ELP4: variants seen among roughly 807,000 people sequenced by gnomAD.
The protein encoded by ELP4 is elongator complex protein 4.
Under a neutral mutation model 48.9 loss-of-function variants are expected in ELP4, and 51 were observed. The observed-to-expected ratio is 1.04, with a 90% CI of 0.83 to 1.32. The LOEUF is 1.32. ELP4 is among the 40% of genes most tolerant of loss of function. The pLI is 0.00. For synonymous variants in ELP4, 210 were observed against 189.2 expected (o/e 1.11, Z -0.90); for missense variants, 519 against 514.6 (o/e 1.01, Z -0.08).
chr11:31,518,977 TA>T (rs1318966812), intron 1 of ELP4, among the ~76,000 whole-genome samples: 3 of 151,842 alleles, frequency 2.0e-5, no homozygotes, highest in African/African-American at 7.3e-5. Flanking sequence ...ACATGCAGAT[TA>T]TTTTTTTTGT....
intron 2 of ELP4, among the ~76,000 whole-genome samples, chr11:31,537,494 G>T (rs552688461): frequency 6.6e-6 from 1 of 152,230 alleles, no homozygotes; most frequent in Non-Finnish European, 1.5e-5. Context: ...TTCTCGCACT[G>T]CTCTAAAGAA....
intron 2 of ELP4, among the ~76,000 whole-genome samples, chr11:31,534,297 G>C (rs1335647523): frequency 3.3e-5 from 5 of 150,150 alleles, no homozygotes; most frequent in African/African-American, 1.2e-4. Context: ...GTGTGTATGA[G>C]AGCGAGAGAG....
At chr11:31,777,436 G>T (rs1456857776) in intron 9 of ELP4, among the ~76,000 whole-genome samples, 1 of 152,118 alleles carries the variant, frequency 6.6e-6, no homozygotes, top group East Asian at 1.9e-4. Context: ...CCATGAATGG[G>T]GCCCCCGCAG....
At position 31,676,864 on chromosome 11, in the gene ELP4, C is replaced by G. The variant is rs1408961664; in HGVS notation, c.1143+26643C>G. On this transcript the variant is annotated intron_variant, in intron 9 of 9. Transcript: ENST00000640961. ...CCTCTTTGTAGCTTTTGGGTTATGGCCAAGTTTAGCAAGTTTCATTCAATT... is the reference window on the plus strand; with the variant it reads ...CCTCTTTGTAGCTTTTGGGTTATGGGCAAGTTTAGCAAGTTTCATTCAATT... 2.0e-5 allele frequency among the ~76,000 whole-genome samples: 3 copies of G among 152,008 alleles called. No homozygotes were observed. The East Asian group carries it at 5.8e-4, about 29-fold the overall frequency.
intron 9 of ELP4, among the ~76,000 whole-genome samples, chr11:31,697,511 G>A (rs1289033344): frequency 1.3e-5 from 2 of 151,792 alleles, no homozygotes; most frequent in Admixed American, 1.3e-4. Context: ...ATTGAAAAAC[G>A]GGCCACCTCC....
chr11:31,748,163 C>T (rs2134233955), intron 9 of ELP4, among the ~76,000 whole-genome samples: 1 of 152,180 alleles, frequency 6.6e-6, no homozygotes, highest in East Asian at 1.9e-4. Flanking sequence ...GTTATGTTCC[C>T]TCACAGTAGT....
At chr11:31,571,474 A>G (rs1239173585) in intron 3 of ELP4, among the ~76,000 whole-genome samples, 1 of 152,186 alleles carries the variant, frequency 6.6e-6, no homozygotes, top group Non-Finnish European at 1.5e-5. Flanking sequence ...GAGGATTGGA[A>G]TCAACTTCTC....
At chr11:31,565,785 T>C (rs949367417) in intron 3 of ELP4, among the ~76,000 whole-genome samples, 1 of 152,106 alleles carries the variant, frequency 6.6e-6, no homozygotes, top group Non-Finnish European at 1.5e-5. Context: ...AGCCTTGTAG[T>C]ATAGTTTGAA....
In ELP4 at chr11:31,703,405, T is replaced by C. The variant is rs896219737; in HGVS notation, c.1143+53184T>C. Among the ~76,000 whole-genome samples, 3 of 152,324 alleles carry C rather than the reference T, an allele frequency of 2.0e-5. No individual in the cohort carries two copies. The East Asian group carries it at 5.8e-4, about 29-fold the overall frequency. On this transcript the variant is annotated intron_variant, in intron 9 of 9. Coordinates refer to ENST00000640961, the MANE Select transcript of ELP4 (RefSeq NM_019040.5). ...TGACTCTGCTAGTTTTAAGCAATTA[T>C]AATTGATCAAAAACATTAGCCAGTG...
chr11:31,524,573 A>G (rs533001598), intron 2 of ELP4, among the ~76,000 whole-genome samples: 1 of 152,368 alleles, frequency 6.6e-6, no homozygotes, highest in Admixed American at 6.5e-5. Context: ...AAAGGCATGA[A>G]TACCAGGAGA....
chr11:31,608,862 T>G (rs1019959658), intron 5 of ELP4, among the ~76,000 whole-genome samples: 4 of 152,214 alleles, frequency 2.6e-5, no homozygotes, highest in Middle Eastern at 3.4e-3. Flanking sequence ...TAGCTGGCCC[T>G]GCTATCGATT....
intron 5 of ELP4, among the ~76,000 whole-genome samples, chr11:31,624,366 A>G (rs1022374421): frequency 7.2e-5 from 11 of 151,882 alleles, no homozygotes; most frequent in Admixed American, 5.3e-4. Context: ...ATGTTACTGG[A>G]CTGAATAGGC....
intron 5 of ELP4, among the ~76,000 whole-genome samples, chr11:31,610,453 A>C (rs1023268109): frequency 7.2e-5 from 11 of 152,044 alleles, no homozygotes; most frequent in African/African-American, 2.7e-4. Flanking sequence ...GTTTCTGTTG[A>C]TCACTTCACC....
intron 3 of ELP4, among the ~76,000 whole-genome samples, chr11:31,562,136 T>C (rs1445065463): frequency 6.6e-6 from 1 of 152,202 alleles, no homozygotes; most frequent in Non-Finnish European, 1.5e-5. Context: ...CACTACCAGA[T>C]TGGGATAGAA....
At chr11:31,598,267 A>G (rs1262027957) in intron 4 of ELP4, among the ~76,000 whole-genome samples, 1 of 151,796 alleles carries the variant, frequency 6.6e-6, no homozygotes. Context: ...CTTTTCTTTT[A>G]TTGCTTATTA....
intron 9 of ELP4, among the ~76,000 whole-genome samples, chr11:31,768,121 A>C (rs1008266946): frequency 6.6e-6 from 1 of 152,158 alleles, no homozygotes; most frequent in African/African-American, 2.4e-5. Context: ...CTGATACTTA[A>C]GATTTTTTTT....
intron 6 of ELP4, 135 bp from the exon 7 acceptor site, chr11:31,632,082 T>A (rs1944872231): frequency 1.6e-6 from 1 of 611,670 alleles, no homozygotes; most frequent in Admixed American, 3.3e-5. Flanking sequence ...TATGTACTAA[T>A]AGTACATAAA....
intron 9 of ELP4, among the ~76,000 whole-genome samples, chr11:31,682,481 T>C (rs1440811467): frequency 1.3e-5 from 2 of 152,248 alleles, no homozygotes; most frequent in Admixed American, 6.5e-5. Context: ...GAGCCTAGCC[T>C]AGCCTGACAG....
chr11:31,545,546 T>C (rs1212887934), intron 3 of ELP4, among the ~76,000 whole-genome samples: 1 of 152,142 alleles, frequency 6.6e-6, no homozygotes, highest in Non-Finnish European at 1.5e-5. Flanking sequence ...TGGAACCAAG[T>C]TGGAAAACAC....
Sources: allele counts gnomAD v4.1 joint callset (sites outside exome capture counted in the v4.1 genomes callset), GRCh38; gene constraint gnomAD v4.1.1; transcripts MANE v1.5; gene names NCBI Gene and HGNC (gene_info 2026-07-23, HGNC 2026-07-21).